ABR: variants seen among roughly 807,000 people sequenced by gnomAD.
ABR encodes ABR activator of RhoGEF and GTPase.
In ABR, 35 loss-of-function variants were observed where a neutral mutation model predicts 107.2. The observed-to-expected ratio is 0.33, with a 90% confidence interval of 0.25 to 0.43. ABR has a LOEUF of 0.43. ABR is among the 20% of genes least tolerant of loss of function. The probability of loss-of-function intolerance (pLI) is 1.00; values close to 1 mark genes in which losing one functional copy is unlikely to be tolerated. For synonymous variants in ABR, 498 were observed against 462.0 expected (o/e 1.08, Z -1.00); for missense variants, 815 against 1,115.2 (o/e 0.73, Z 3.83).
chr17:1,024,049 A>AAAAACAAAAAAAAAAAAAAAAAAG (rs2071963289), intron 16 of ABR, among the ~76,000 whole-genome samples: 1 of 140,536 alleles, frequency 7.1e-6, no homozygotes, highest in African/African-American at 2.7e-5. Context: ...AAAAAAAAAA[A>AAAAACAAAAAAAAAAAAAAAAAAG]GCAGCATCAA....
intron 6 of ABR, among the ~76,000 whole-genome samples, chr17:1,077,345 G>C (rs2035817194): frequency 6.6e-6 from 1 of 152,142 alleles, no homozygotes; most frequent in East Asian, 1.9e-4. Flanking sequence ...TGAACTCCAG[G>C]TCCCAGGTCC....
At chr17:1,029,378 C>T (rs1178809952) in intron 16 of ABR, among the ~76,000 whole-genome samples, 1 of 152,076 alleles carries the variant, frequency 6.6e-6, no homozygotes, top group East Asian at 1.9e-4. Flanking sequence ...AACCAGAGGC[C>T]CTGCACTATT....
chr17:1,188,319 G>A (rs2042357072), upstream of ABR, among the ~76,000 whole-genome samples: 1 of 152,180 alleles, frequency 6.6e-6, no homozygotes, highest in African/African-American at 2.4e-5. Flanking sequence ...GGGAGGCCGA[G>A]GCGGGCAGAT....
At chr17:1,039,080 C>T (rs905622073) in intron 16 of ABR, among the ~76,000 whole-genome samples, 4 of 152,158 alleles carry the variant, frequency 2.6e-5, no homozygotes, top group Non-Finnish European at 4.4e-5. Flanking sequence ...TCTGGGAGCC[C>T]GGCACCCAGA....
intron 5 of ABR, among the ~76,000 whole-genome samples, chr17:1,081,734 G>A (rs374232749): frequency 3.9e-5 from 6 of 152,100 alleles, no homozygotes; most frequent in African/African-American, 7.2e-5. Flanking sequence ...GCACCACCAC[G>A]CCCGGCTAAT....
rs1479629706 is a variant in ABR at position 1,070,155 on chromosome 17, C to T, written c.895-65G>A. On this transcript the variant is annotated intron_variant, in intron 8 of 22. Transcript: ENST00000302538. This position sits in a 1 kb window ranked among gnomAD's most constrained non-coding sequence, Gnocchi z 4.2. ...AATGCGGCCGAGGGCAGAGCCTGCA[C>T]ACGGGGGCACGGCCAGCCAGGGAGG... The T allele has an allele frequency of 1.3e-6, 2 of 1,594,586 alleles. No homozygotes were observed. Among genetic ancestry groups the T allele is most frequent in the African/African-American group, 2.7e-5 (2 of 74,590 alleles).
chr17:1,072,864 A>G (rs556257373), intron 7 of ABR, 110 bp from the exon 8 acceptor site: 1 of 1,358,214 alleles, frequency 7.4e-7, no homozygotes, highest in East Asian at 2.8e-5. Context: ...GGACCTGCCT[A>G]ATTCCCGCAA....
rs191471413 is a variant in ABR at position 1,125,139 on chromosome 17, C to A, written c.246+44G>T. 362 of 1,525,260 alleles carry A rather than the reference C, an allele frequency of 2.4e-4. 2 individuals are homozygous for A. In the East Asian group the frequency reaches 5.9e-3, roughly 25 times the overall value. The allele number at this position is 1,525,260 out of a possible 1,614,324, so 94.5% of individuals were successfully genotyped here. A position where few individuals can be genotyped will look rare whatever the true frequency, so the allele number is the denominator to read the frequency against. On this transcript the variant is annotated intron_variant, in intron 2 of 22. Transcript: ENST00000302538. The stretch of plus-strand genomic sequence containing the variant: ...CTGGCCCACGATGCCCAGGCCTTCC[C>A]GTCACCCCTCCCCAAACCCAGAAAG...
chr17:1,085,445 T>C (rs573470294), intron 4 of ABR, among the ~76,000 whole-genome samples: 2 of 152,302 alleles, frequency 1.3e-5, no homozygotes, highest in South Asian at 2.1e-4. Flanking sequence ...CTCGGGGAAG[T>C]GTAAATTAGT....
intron 10 of ABR, among the ~76,000 whole-genome samples, chr17:1,059,619 C>T (rs1394573587): frequency 1.3e-5 from 2 of 152,196 alleles, no homozygotes; most frequent in African/African-American, 2.4e-5. Flanking sequence ...GTCGGCTCAG[C>T]CTCCCCCTCT....
intron 1 of ABR, among the ~76,000 whole-genome samples, chr17:1,195,671 G>C (rs530779804): frequency 6.6e-6 from 1 of 151,512 alleles, no homozygotes; most frequent in African/African-American, 2.4e-5. Context: ...GGGCGTGGTG[G>C]TGGGCGCCTG....
rs556113330 is a variant in ABR, at chr17:1,179,151, C to T, written c.61+516G>A. Among the ~76,000 whole-genome samples the T allele has an allele frequency of 4.7e-4, 71 of 151,840 alleles. No homozygotes were observed. Among genetic ancestry groups the T allele is most frequent in the Non-Finnish European group, 8.5e-4 (58 of 67,922 alleles). On this transcript the variant is annotated intron_variant, in intron 1 of 22. Coordinates refer to ENST00000302538, the MANE Select transcript of ABR (RefSeq NM_021962.5). The surrounding 1 kb of genome is among the most constrained non-coding windows in gnomAD (Gnocchi z 4.9). The stretch of plus-strand genomic sequence containing the variant: ...TGCACCCCCCGTCTCCCCTCCCACC[C>T]GATCCCACCCCAGCACCGAACCCCT...
At chr17:1,204,065 C>A (rs937240053) in intron 1 of ABR, among the ~76,000 whole-genome samples, 1 of 152,262 alleles carries the variant, frequency 6.6e-6, no homozygotes, top group East Asian at 1.9e-4. Flanking sequence ...CGGCCTCTCC[C>A]TCATCTCGGC....
rs760436295 is a variant in ABR, at chr17:1,091,751, T to G, written c.445A>C (p.Ile149Leu). ...AGGTTGTCATAGAACTCCTTGTGGA[T>G]CTCATAGATGTCCTGGATCTTGTAG... ...IFYKIQDIYEIHKEFYDNLCP... is the reference protein window; with the variant it reads ...IFYKIQDIYELHKEFYDNLCP... Residue 149 changes from isoleucine (I) to leucine (L), a missense_variant, in exon 4 of 23, where the codon ATC (isoleucine) becomes CTC (leucine). Coordinates refer to ENST00000302538, the MANE Select transcript of ABR (RefSeq NM_021962.5). The G allele has an allele frequency of 2.5e-6, 4 of 1,614,022 alleles. No homozygotes were observed. The highest frequency in any genetic ancestry group is 3.4e-6 in the Non-Finnish European group (4 of 1,180,020).
chr17:1,144,249 G>A (rs1009168576), intron 1 of ABR, among the ~76,000 whole-genome samples: 6 of 152,120 alleles, frequency 3.9e-5, no homozygotes, highest in African/African-American at 1.2e-4. Context: ...ATGATACGAC[G>A]AAAGCTGACG....
In ABR at chr17:1,157,969, ATGGGTATATG is replaced by A. The variant is rs1419584784; in HGVS notation, c.61+21688_61+21697del. On this transcript the variant is annotated intron_variant, in intron 1 of 22. Coordinates refer to ENST00000302538, the MANE Select transcript of ABR (RefSeq NM_021962.5). This position sits in a 1 kb window ranked among gnomAD's most constrained non-coding sequence, Gnocchi z 4.7. The stretch of plus-strand genomic sequence containing the variant: ...TTTATGAGGCTCATTTCAAGCGTGC[ATGGGTATATG>A]TGTGTGTGCAGATGTACGTATGTGT... 6.6e-6 allele frequency among the ~76,000 whole-genome samples: 1 copy of A among 152,212 alleles called. No individual in the cohort carries two copies. Among genetic ancestry groups the A allele is most frequent in the East Asian group, 1.9e-4 (1 of 5,198 alleles).
chr17:1,073,682 C>CG lies in ABR; in HGVS notation c.701-6dup, dbSNP rs1567704949. ...CAATGGGCTTGTAGAGCAGAGCTGT[C>CG]GGGGGAGACAGGGAGAAGGAGGAAG... On this transcript the variant is annotated splice_polypyrimidine_tract_variant and splice_region_variant and intron_variant, in intron 6 of 22. Coordinates refer to ENST00000302538, the MANE Select transcript of ABR (RefSeq NM_021962.5). 6.2e-7 allele frequency: 1 copy of CG among 1,602,750 alleles called. No individual in the cohort carries two copies. Among genetic ancestry groups the CG allele is most frequent in the South Asian group, 1.1e-5 (1 of 89,438 alleles).
chr17:1,023,305 C>T (rs1026160195), intron 16 of ABR, among the ~76,000 whole-genome samples: 1 of 152,258 alleles, frequency 6.6e-6, no homozygotes, highest in Non-Finnish European at 1.5e-5. Flanking sequence ...ACCTGGGCTG[C>T]TCTTGGAGGC....
At chr17:1,220,025 C>T (rs2043087818) in intron 1 of ABR, among the ~76,000 whole-genome samples, 1 of 152,102 alleles carries the variant, frequency 6.6e-6, no homozygotes, top group Non-Finnish European at 1.5e-5. Flanking sequence ...GGCGCGGTGG[C>T]TCACGCCTGT....
Sources: gnomAD v4.1 joint callset for allele counts (sites outside exome capture counted in the v4.1 genomes callset) on GRCh38, gnomAD v4.1.1 for gene constraint, Gnocchi (gnomAD v3.1) non-coding constraint, MANE v1.5 for transcripts, NCBI Gene and HGNC (gene_info 2026-07-23, HGNC 2026-07-21) for gene names.